Variants in ZNF407 observed in about 807,000 individuals in gnomAD.
ZNF407 encodes the protein zinc finger protein 407.
ZNF407 carries 17 observed loss-of-function variants against 131.2 expected under a neutral mutation model. That is an observed-to-expected ratio of 0.13 (90% CI 0.09 to 0.19). The LOEUF is 0.19. Among genes scored for constraint, ZNF407 ranks in the 10% least tolerant of loss-of-function variants. ZNF407 has a pLI of 1.00. For missense variants in ZNF407, 2,681 were observed against 2,830.6 expected, an observed-to-expected ratio of 0.95 and a Z score of 1.20; for synonymous variants, 1,156 against 1,062.0, an observed-to-expected ratio of 1.09 and a Z score of -1.72.
intron 8 of ZNF407, among the ~76,000 whole-genome samples, chr18:74,979,442 C>T (rs925571918): frequency 6.6e-6 from 1 of 152,118 alleles, no homozygotes; most frequent in Non-Finnish European, 1.5e-5. Context: ...CAGGCATGCA[C>T]CACCACGCCT....
chr18:74,887,268 G>A (rs539115845), intron 6 of ZNF407, among the ~76,000 whole-genome samples: 1 of 152,028 alleles, frequency 6.6e-6, no homozygotes, highest in African/African-American at 2.4e-5. Context: ...GTACAGTTGA[G>A]TTGTCTATAG....
At chr18:74,709,727 A>G (rs1967712570) in intron 3 of ZNF407, among the ~76,000 whole-genome samples, 1 of 152,216 alleles carries the variant, frequency 6.6e-6, no homozygotes, top group African/African-American at 2.4e-5. Flanking sequence ...TATCTGTGCT[A>G]TGCAGCTTTC....
intron 8 of ZNF407, among the ~76,000 whole-genome samples, chr18:75,029,293 C>T (rs986267523): frequency 2.0e-5 from 3 of 152,214 alleles, no homozygotes; most frequent in Non-Finnish European, 2.9e-5. Context: ...TATGTTATTA[C>T]AGCTCAGTGC....
In ZNF407 at chr18:74,635,699, T is replaced by C. The variant is rs1455123472; in HGVS notation, c.4680T>C (p.Thr1560=). Residue 1560 remains threonine (T), a synonymous_variant, in exon 2 of 9, where the codon ACT becomes ACC. Coordinates refer to ENST00000299687, the MANE Select transcript of ZNF407 (RefSeq NM_017757.3). The surrounding 1 kb of genome is among the most constrained non-coding windows in gnomAD (Gnocchi z 4.7). ...TGGCCTTCCTGGCACACATTCGCAC[T>C]CACACAGGTATGTAGCTCTGCAGCA... is the stretch of plus-strand genomic sequence containing the variant. ...NSMAFLAHIR[T]HTGSKPFKCK... 6.3e-7 allele frequency: 1 copy of C among 1,584,506 alleles called. No individual in the cohort carries two copies. Among genetic ancestry groups the C allele is most frequent in the African/African-American group, 1.3e-5 (1 of 74,464 alleles).
intron 3 of ZNF407, among the ~76,000 whole-genome samples, chr18:74,711,630 T>C (rs554474100): frequency 9.2e-5 from 14 of 152,228 alleles, no homozygotes; most frequent in Non-Finnish European, 1.6e-4. Flanking sequence ...ATAATAAATA[T>C]GTGTGTTTTA....
At chr18:74,771,861 T>TA (rs758973791) in intron 3 of ZNF407, among the ~76,000 whole-genome samples, 147 of 151,584 alleles carry the variant, frequency 9.7e-4, no homozygotes, top group East Asian at 9.7e-4. Context: ...CAGCAAATCT[T>TA]AAAAAAAAAT....
chr18:74,779,786 G>T (rs150939816), intron 3 of ZNF407, among the ~76,000 whole-genome samples: 1 of 151,960 alleles, frequency 6.6e-6, no homozygotes, highest in Non-Finnish European at 1.5e-5. Context: ...CTGCACTGTG[G>T]ATTCTAAGTT....
At chr18:75,054,935 A>G (rs1973544497) in intron 8 of ZNF407, among the ~76,000 whole-genome samples, 1 of 152,210 alleles carries the variant, frequency 6.6e-6, no homozygotes, top group African/African-American at 2.4e-5. Context: ...GTTCTCAGCC[A>G]TTGTCACTAA....
At chr18:75,019,640 T>C (rs1026241745) in intron 8 of ZNF407, among the ~76,000 whole-genome samples, 5 of 152,032 alleles carry the variant, frequency 3.3e-5, no homozygotes, top group Non-Finnish European at 7.4e-5. Flanking sequence ...AGTCACCTAT[T>C]TTCTGTATTA....
At chr18:74,816,676 A>C (rs562069459) in intron 4 of ZNF407, among the ~76,000 whole-genome samples, 1 of 152,346 alleles carries the variant, frequency 6.6e-6, no homozygotes, top group East Asian at 1.9e-4. Flanking sequence ...TTAAATTGAT[A>C]TCCATAAAAT....
Position 74,741,288 on chromosome 18 carries a change from G to A in ZNF407, c.4803-40140G>A, listed in dbSNP as rs76917647. On this transcript the variant is annotated intron_variant, in intron 3 of 8. Coordinates refer to ENST00000299687, the MANE Select transcript of ZNF407 (RefSeq NM_017757.3). ...CTTATGTGGACTTATGTTCACGCTC[G>A]TGTGTGAATGTGTGTATATGTGTAT... Among the ~76,000 whole-genome samples, 908 of 152,102 alleles carry A rather than the reference G, an allele frequency of 6.0e-3. 6 individuals carry two copies. The highest frequency in any genetic ancestry group is 0.021 in the African/African-American group (855 of 41,472).
intron 8 of ZNF407, among the ~76,000 whole-genome samples, chr18:75,022,188 C>G (rs1446483317): frequency 6.6e-6 from 1 of 152,066 alleles, no homozygotes; most frequent in African/African-American, 2.4e-5. Flanking sequence ...TACATAAACA[C>G]TTGGTGTAAC....
chr18:74,891,404 TA>T (rs1418981682), intron 7 of ZNF407, among the ~76,000 whole-genome samples: 1 of 152,236 alleles, frequency 6.6e-6, no homozygotes, highest in Non-Finnish European at 1.5e-5. Context: ...CTGAAACCTT[TA>T]AAAAGTTAGG....
At chr18:74,666,011 A>G (rs775638797) in intron 3 of ZNF407, among the ~76,000 whole-genome samples, 4 of 152,176 alleles carry the variant, frequency 2.6e-5, no homozygotes, top group Non-Finnish European at 5.9e-5. Context: ...GAAGAGCCCT[A>G]GTGGTGACCT....
At chr18:74,825,084 C>T (rs1568231676) in intron 4 of ZNF407, among the ~76,000 whole-genome samples, 3 of 152,194 alleles carry the variant, frequency 2.0e-5, no homozygotes, top group South Asian at 4.1e-4. Context: ...TGTAATCCAT[C>T]ACATAAACAG....
At chr18:74,834,837 A>G (rs1199926434) in intron 4 of ZNF407, among the ~76,000 whole-genome samples, 2 of 152,184 alleles carry the variant, frequency 1.3e-5, no homozygotes, top group African/African-American at 4.8e-5. Flanking sequence ...ACACTGTTAG[A>G]TGCCTTCCAG....
chr18:74,926,477 G>A lies in ZNF407; in HGVS notation c.5428+5785G>A, dbSNP rs79585566. Among the ~76,000 whole-genome samples the A allele has an allele frequency of 9.3e-3, 1,410 of 152,186 alleles. 26 individuals are homozygous for A. The highest frequency in any genetic ancestry group is 0.03 in the African/African-American group (1,238 of 41,520). ...TTCTTGAATAATATACTGAAAGAGGGTTTTTTTCAAAACTTTCTAATGACA... is the reference window on the plus strand; with the variant it reads ...TTCTTGAATAATATACTGAAAGAGGATTTTTTTCAAAACTTTCTAATGACA... On this transcript the variant is annotated intron_variant, in intron 8 of 8. Transcript: ENST00000299687.
chr18:74,784,086 C>T (rs899671332), intron 4 of ZNF407, among the ~76,000 whole-genome samples: 1 of 152,162 alleles, frequency 6.6e-6, no homozygotes, highest in African/African-American at 2.4e-5. Flanking sequence ...GAAGCAAACC[C>T]TTCGTCAGTA....
chr18:74,852,191 A>ACGCACG (rs1555694772), intron 4 of ZNF407, among the ~76,000 whole-genome samples: 5 of 74,268 alleles, frequency 6.7e-5, no homozygotes, highest in Admixed American at 2.6e-4. Context: ...ACACACACAC[A>ACGCACG]CACACACGCA....
Sources: allele counts gnomAD v4.1 joint callset (sites outside exome capture counted in the v4.1 genomes callset), GRCh38; gene constraint gnomAD v4.1.1; non-coding constraint Gnocchi (gnomAD v3.1); transcripts MANE v1.5; gene names NCBI Gene and HGNC (gene_info 2026-07-23, HGNC 2026-07-21).